Variants in ACACB observed in about 807,000 individuals in gnomAD.
ACACB encodes acetyl-CoA carboxylase 2.
Under a neutral mutation model 278.8 loss-of-function variants are expected in ACACB, and 209 were observed. The observed-to-expected ratio is 0.75, with a 90% CI of 0.67 to 0.84. ACACB has a LOEUF of 0.84. Among genes scored for constraint, ACACB ranks in the 40% least tolerant of loss-of-function variants. The pLI, the probability that ACACB is intolerant of heterozygous loss-of-function variation, is 0.00. For missense variants in ACACB, 2,850 were observed against 3,269.0 expected (o/e 0.87, Z 3.13); for synonymous variants, 1,174 against 1,285.6 (o/e 0.91, Z 1.86).
At chr12:109,141,998 A>G (rs1427357560) in intron 2 of ACACB, among the ~76,000 whole-genome samples, 1 of 152,176 alleles carries the variant, frequency 6.6e-6, no homozygotes, top group African/African-American at 2.4e-5. Flanking sequence ...CTGTAATTCC[A>G]GCACTTTGGG....
rs1565927707 is a variant in ACACB, at chr12:109,210,276, C to CACACGTGTGTGTATATGTATATAT, written c.3249+927_3249+928insGTGTGTGTATATGTATATATACAC. Among the ~76,000 whole-genome samples, 8 of 5,760 alleles carry CACACGTGTGTGTATATGTATATAT rather than the reference C, an allele frequency of 1.4e-3. 2 individuals are homozygous for CACACGTGTGTGTATATGTATATAT. The highest frequency in any genetic ancestry group is 3.5e-3 in the African/African-American group (8 of 2,264). 3.8% of individuals were successfully genotyped at this position (5,760 alleles called of 152,430 possible). ...ACACATGTGTGTATATGTACATATA[C>CACACGTGTGTGTATATGTATATAT]ACACACATATCTGTGTGTATATGTA... On this transcript the variant is annotated intron_variant, in intron 21 of 52. Transcript: ENST00000338432.
intron 18 of ACACB, among the ~76,000 whole-genome samples, chr12:109,199,772 G>A (rs1047476297): frequency 3.3e-5 from 5 of 152,164 alleles, no homozygotes; most frequent in Non-Finnish European, 7.3e-5. Flanking sequence ...CCAGCACTTT[G>A]GGAGGCTGAG....
chr12:109,210,518 CAT>C (rs1473576482), intron 21 of ACACB, among the ~76,000 whole-genome samples: 1 of 146,610 alleles, frequency 6.8e-6, no homozygotes, highest in Non-Finnish European at 1.5e-5. Context: ...TACGCACATA[CAT>C]GTGTATATGT....
chr12:109,168,031 G>A lies in ACACB; in HGVS notation c.922G>A (p.Ala308Thr), dbSNP rs78715638. The A allele has an allele frequency of 1.4e-5, 23 of 1,606,676 alleles. No homozygotes were observed. Among genetic ancestry groups the A allele is most frequent in the African/African-American group, 4.0e-5 (3 of 74,898 alleles). ...GACCCCCGAGGACCTTAAGGCCAAC[G>A]CAGGTACCTGGGCCTTGACCCTCTC... ...MVTPEDLKANAEYIKMADHYV... is the reference protein window; with the variant it reads ...MVTPEDLKANTEYIKMADHYV... Residue 308 changes from alanine (A) to threonine (T), a missense_variant, in exon 4 of 53, where the codon GCA (alanine) becomes ACA (threonine). Around this residue, in one of 3 missense-constraint regions of ACACB, gnomAD observed 2,265 missense variants for 2,561.3 expected, o/e 0.88. Coordinates refer to ENST00000338432, the MANE Select transcript of ACACB (RefSeq NM_001093.4).
chr12:109,124,980 C>T (rs995445196), intron 1 of ACACB, among the ~76,000 whole-genome samples: 1 of 152,212 alleles, frequency 6.6e-6, no homozygotes, highest in African/African-American at 2.4e-5. Context: ...TTCCAAAGAG[C>T]TGGCATTACA....
Position 109,191,907 on chromosome 12 carries a change from A to G in ACACB, c.2356A>G (p.Met786Val), listed in dbSNP as rs371618576. 1.2e-6 allele frequency: 2 copies of G among 1,614,144 alleles called. No individual in the cohort carries two copies. Among genetic ancestry groups the G allele is most frequent in the East Asian group, 2.2e-5 (1 of 44,870 alleles). ...CGGGGCCTTGAACGTGGCCGATGCG[A>G]TGTTCAGAACGTGCATGACAGATTT... ...VCGALNVADA[M>V]FRTCMTDFLH... Residue 786 changes from methionine to valine, a missense_variant, in exon 15 of 53, where the codon ATG becomes GTG. This residue lies in a region of ACACB where 2,265 missense variants were observed against 2,561.3 expected (regional missense o/e 0.88). Transcript: ENST00000338432.
chr12:109,182,069 T>C (rs1338843393), intron 11 of ACACB, among the ~76,000 whole-genome samples: 1 of 151,958 alleles, frequency 6.6e-6, no homozygotes, highest in Non-Finnish European at 1.5e-5. Flanking sequence ...AGTCTTGATC[T>C]CCTGACCTCG....
At chr12:109,159,972 C>G (rs954721638) in intron 2 of ACACB, among the ~76,000 whole-genome samples, 9 of 151,826 alleles carry the variant, frequency 5.9e-5, no homozygotes, top group African/African-American at 2.4e-5. Flanking sequence ...CACCTATAGT[C>G]CCAGCTACTC....
rs1203482685 is a variant in ACACB, at chr12:109,222,992, C to T, written c.3792+80C>T. On this transcript the variant is annotated intron_variant, in intron 26 of 52. Coordinates refer to ENST00000338432, the MANE Select transcript of ACACB (RefSeq NM_001093.4). ...GGGGGCCTCTGGGGAAACGGCTCCT[C>T]CTGCCCTCCAGGTGCTCAGTGGGGT... The T allele has an allele frequency of 2.6e-6, 3 of 1,136,946 alleles. No individual in the cohort carries two copies. In the African/African-American group the frequency reaches 4.6e-5, roughly 17 times the overall value. The allele number at this position is 1,136,946 out of a possible 1,614,324, so 70.4% of individuals were successfully genotyped here. A position where few individuals can be genotyped will look rare whatever the true frequency, so the allele number is the denominator to read the frequency against.
chr12:109,262,853 G>A (rs1330133505), intron 49 of ACACB, among the ~76,000 whole-genome samples: 1 of 150,330 alleles, frequency 6.7e-6, no homozygotes, highest in African/African-American at 2.4e-5. Flanking sequence ...CTGGGCTCAA[G>A]CAATCCACCT....
At position 109,153,355 on chromosome 12, in the gene ACACB, T is replaced by C. The variant is rs546417990; in HGVS notation, c.653+13297T>C. ...AGGATACATGTAAAATTTTGTTACA[T>C]GCATAGAATGCATAATGATTGTAGG... On this transcript the variant is annotated intron_variant, in intron 2 of 52. Coordinates refer to ENST00000338432, the MANE Select transcript of ACACB (RefSeq NM_001093.4). Among the ~76,000 whole-genome samples, 6 of 152,354 alleles carry C rather than the reference T, an allele frequency of 3.9e-5. 1 individual carries two copies. In the South Asian group the frequency reaches 1.2e-3, roughly 32 times the overall value.
At chr12:109,171,265 G>A (rs974496479) in intron 4 of ACACB, among the ~76,000 whole-genome samples, 3 of 151,786 alleles carry the variant, frequency 2.0e-5, no homozygotes, top group Admixed American at 6.6e-5. Flanking sequence ...TTCTTCCTTC[G>A]TTCCTTTCCA....
At position 109,139,809 on chromosome 12, in the gene ACACB, C is replaced by T; in HGVS notation, c.404C>T (p.Ser135Phe). 6.2e-7 allele frequency: 1 copy of T among 1,614,228 alleles called. No individual in the cohort carries two copies. Among genetic ancestry groups the T allele is most frequent in the Non-Finnish European group, 8.5e-7 (1 of 1,180,040 alleles). Residue 135 changes from serine (S) to phenylalanine (F), a missense_variant, in exon 2 of 53, where the codon TCC (serine) becomes TTC (phenylalanine). This residue lies in a region of ACACB where 2,265 missense variants were observed against 2,561.3 expected (regional missense o/e 0.88). Coordinates refer to ENST00000338432, the MANE Select transcript of ACACB (RefSeq NM_001093.4). The part of the protein sequence containing the change: ...LEATDTNGLS[S>F]SARPQGQQAG... ...GCCACAGATACCAATGGCCTGTCCTCCTCAGCCAGGCCCCAGGGCCAGCAA... is the reference window on the plus strand; with the variant it reads ...GCCACAGATACCAATGGCCTGTCCTTCTCAGCCAGGCCCCAGGGCCAGCAA...
intron 22 of ACACB, among the ~76,000 whole-genome samples, chr12:109,215,660 G>T (rs2045973036): frequency 6.6e-6 from 1 of 152,122 alleles, no homozygotes; most frequent in Non-Finnish European, 1.5e-5. Flanking sequence ...AGCTACTCGG[G>T]AGGCTGAGGC....
chr12:109,206,246 C>T (rs555104386), intron 19 of ACACB, among the ~76,000 whole-genome samples: 61 of 151,990 alleles, frequency 4.0e-4, no homozygotes, highest in African/African-American at 1.4e-3. Flanking sequence ...CCATCCTGGC[C>T]AACATGGTGA....
chr12:109,265,222 ACGTG>A lies in ACACB; in HGVS notation c.7057_7060del (p.Val2353IlefsTer53). On this transcript the variant is annotated frameshift_variant, in exon 51 of 53. Transcript: ENST00000338432. LOFTEE classifies it high-confidence loss of function. ...CTGCAGGCCAGCGGGGAGCTGAGTC[ACGTG>A]CATATCCAGTCCATGCTGCGTCGCT... 1 of 1,613,708 alleles carries A rather than the reference ACGTG, an allele frequency of 6.2e-7. No individual in the cohort carries two copies. The highest frequency in any genetic ancestry group is 8.5e-7 in the Non-Finnish European group (1 of 1,180,022).
At chr12:109,215,344 C>T (rs2045963664) in intron 22 of ACACB, among the ~76,000 whole-genome samples, 1 of 151,988 alleles carries the variant, frequency 6.6e-6, no homozygotes, top group African/African-American at 2.4e-5. Flanking sequence ...TGGGATCTAC[C>T]TACTCCAGTT....
Position 109,203,739 on chromosome 12 carries a change from C to A in ACACB, c.2913+2038C>A, listed in dbSNP as rs1359233404. 2.0e-5 allele frequency among the ~76,000 whole-genome samples: 3 copies of A among 152,168 alleles called. No individual in the cohort carries two copies. The East Asian group carries it at 5.8e-4, about 29-fold the overall frequency. On this transcript the variant is annotated intron_variant, in intron 19 of 52. Transcript: ENST00000338432. ...CCCTGAGCTCAGGCTCTTGGGGGCA[C>A]CTCCAATTTAGATTCCTCTTAATTT...
intron 8 of ACACB, 55 bp from the exon 9 acceptor site, chr12:109,176,098 T>C: frequency 6.2e-7 from 1 of 1,609,914 alleles, no homozygotes; most frequent in Non-Finnish European, 8.5e-7. Context: ...TCTGTCCTGG[T>C]AGCAGTTGGC....
Sources: gnomAD v4.1 joint callset for allele counts (sites outside exome capture counted in the v4.1 genomes callset) on GRCh38, gnomAD v4.1.1 for gene constraint, gnomAD v4.1.1 regional missense constraint, MANE v1.5 for transcripts, NCBI Gene and HGNC (gene_info 2026-07-23, HGNC 2026-07-21) for gene names.